Variants in C1QTNF7 observed in about 807,000 individuals in gnomAD.
C1QTNF7 encodes complement C1q tumor necrosis factor-related protein 7.
In C1QTNF7, 15 loss-of-function variants were observed where a neutral mutation model predicts 19.6. The observed-to-expected ratio is 0.76, with a 90% CI of 0.51 to 1.18. The LOEUF is 1.18. Ranked by LOEUF, C1QTNF7 falls within the 50% of genes most tolerant of loss-of-function variation. The pLI is 0.00. For missense variants in C1QTNF7, 324 were observed against 359.7 expected (o/e 0.90, Z 0.80); for synonymous variants, 142 against 137.5 (o/e 1.03, Z -0.23).
intron 1 of C1QTNF7, among the ~76,000 whole-genome samples, chr4:15,428,583 G>T (rs1712160284): frequency 6.6e-6 from 1 of 152,198 alleles, no homozygotes; most frequent in African/African-American, 2.4e-5. Context: ...CAGTGCAATT[G>T]TGTGGCCTTG....
rs73799867 is a variant in C1QTNF7 at position 15,420,970 on chromosome 4, A to C, written c.14-14766A>C. Among the ~76,000 whole-genome samples, 406 of 151,236 alleles carry C rather than the reference A, an allele frequency of 2.7e-3. 4 individuals are homozygous for C. The highest frequency in any genetic ancestry group is 9.6e-3 in the African/African-American group (395 of 41,164). Reference sequence around the variant, plus strand: ...AGGACATTGTTTTGGCTGGAAGTGAATATGTATGCAAGAGGCACCACCTGC... The same window carrying C: ...AGGACATTGTTTTGGCTGGAAGTGACTATGTATGCAAGAGGCACCACCTGC... On this transcript the variant is annotated intron_variant, in intron 1 of 2. Transcript: ENST00000295297.
At chr4:15,384,565 C>T (rs1048184222) in intron 1 of C1QTNF7, among the ~76,000 whole-genome samples, 1 of 152,142 alleles carries the variant, frequency 6.6e-6, no homozygotes, top group Non-Finnish European at 1.5e-5. Flanking sequence ...TGGAGCCTCA[C>T]CAGCAAAGAG....
intron 1 of C1QTNF7, among the ~76,000 whole-genome samples, chr4:15,354,868 T>G (rs1414489942): frequency 6.6e-6 from 1 of 152,114 alleles, no homozygotes; most frequent in Non-Finnish European, 1.5e-5. Context: ...TCACTTGACC[T>G]TGGCCAATAC....
chr4:15,438,711 A>T (rs1712632816), intron 2 of C1QTNF7, among the ~76,000 whole-genome samples: 1 of 152,242 alleles, frequency 6.6e-6, no homozygotes. Flanking sequence ...AAGATCATTC[A>T]TTCCAGTTTA....
Position 15,374,871 on chromosome 4 carries a change from C to CT in C1QTNF7, c.13+34673dup, listed in dbSNP as rs770437174. The CT allele has an allele frequency of 1.4e-3, 607 of 441,876 alleles. 2 individuals are homozygous for CT. The highest frequency in any genetic ancestry group is 2.3e-3 in the Middle Eastern group (2 of 888). 27.4% of individuals were successfully genotyped at this position (441,876 alleles called of 1,614,324 possible). A position where few individuals can be genotyped will look rare whatever the true frequency, so the allele number is the denominator to read the frequency against. On this transcript the variant is annotated intron_variant, in intron 1 of 2. Coordinates refer to the C1QTNF7 transcript ENST00000295297. ...TTGGTGTTTCTCTCTCTCTCTCTCT[C>CT]TTTTTTTTTATGATGTTCAGGGGTG...
At chr4:15,433,038 C>T (rs540020937) in intron 1 of C1QTNF7, among the ~76,000 whole-genome samples, 3 of 152,180 alleles carry the variant, frequency 2.0e-5, no homozygotes, top group African/African-American at 7.2e-5. Flanking sequence ...GGCTTTCACA[C>T]CTGCATCACC....
At chr4:15,428,546 C>T (rs1560367843) in intron 1 of C1QTNF7, among the ~76,000 whole-genome samples, 1 of 152,054 alleles carries the variant, frequency 6.6e-6, no homozygotes, top group African/African-American at 2.4e-5. Context: ...AGTGGGGAAA[C>T]AAGCAAGTCA....
intron 1 of C1QTNF7, among the ~76,000 whole-genome samples, chr4:15,401,942 C>T (rs775291912): frequency 2.0e-5 from 3 of 152,046 alleles, no homozygotes; most frequent in Admixed American, 1.3e-4. Flanking sequence ...GCTGACATAC[C>T]CAAATTGGTA....
chr4:15,368,712 C>T (rs970921978), intron 1 of C1QTNF7, among the ~76,000 whole-genome samples: 1 of 152,180 alleles, frequency 6.6e-6, no homozygotes, highest in Non-Finnish European at 1.5e-5. Context: ...TGGGTAGGTT[C>T]CAAGTCTTTG....
intron 1 of C1QTNF7, among the ~76,000 whole-genome samples, chr4:15,383,074 C>T (rs1206467573): frequency 6.6e-6 from 1 of 152,096 alleles, no homozygotes; most frequent in Non-Finnish European, 1.5e-5. Context: ...AACGTCATGC[C>T]CTCTCCTCTC....
intron 1 of C1QTNF7, among the ~76,000 whole-genome samples, chr4:15,351,726 G>T (rs1560338227): frequency 6.6e-6 from 1 of 152,174 alleles, no homozygotes; most frequent in Non-Finnish European, 1.5e-5. Context: ...GGGAAGCAGT[G>T]GCCAATGGTG....
rs1273499398 is a variant in C1QTNF7 at position 15,442,367 on chromosome 4, C to T, written c.438C>T (p.Leu146=). 6.2e-7 allele frequency: 1 copy of T among 1,614,124 alleles called. No homozygotes were observed. The highest frequency in any genetic ancestry group is 1.7e-5 in the Admixed American group (1 of 60,014). The change falls in exon 3 of 3, where the codon CTC becomes CTT. Residue 146 remains leucine (L), a synonymous_variant. Coordinates refer to ENST00000444304, the MANE Select transcript of C1QTNF7 (RefSeq NM_031911.5). ...TTTGCAGATGTGGAAGCATCGTGCT[C>T]AAATCCGCCTTTTCTGTTGGCATCA... The part of the protein sequence containing the change: ...PGVCRCGSIV[L]KSAFSVGITT...
chr4:15,349,530 G>A (rs748553595), intron 1 of C1QTNF7, among the ~76,000 whole-genome samples: 2 of 152,152 alleles, frequency 1.3e-5, no homozygotes, highest in African/African-American at 2.4e-5. Flanking sequence ...GCCATGACAT[G>A]AGGAGGAGGA....
intron 1 of C1QTNF7, among the ~76,000 whole-genome samples, chr4:15,379,050 G>T (rs1213414528): frequency 6.6e-6 from 1 of 152,204 alleles, no homozygotes; most frequent in Non-Finnish European, 1.5e-5. Flanking sequence ...AGTATTTGGT[G>T]TGTATAGCAA....
intron 1 of C1QTNF7, among the ~76,000 whole-genome samples, chr4:15,407,365 C>T (rs1719229136): frequency 6.6e-6 from 1 of 152,138 alleles, no homozygotes; most frequent in South Asian, 2.1e-4. Context: ...AATGAGAATC[C>T]TGAAATTCAG....
At chr4:15,422,477 C>T (rs1711823486) in intron 1 of C1QTNF7, among the ~76,000 whole-genome samples, 1 of 152,178 alleles carries the variant, frequency 6.6e-6, no homozygotes, top group Non-Finnish European at 1.5e-5. Flanking sequence ...CTAATATCTA[C>T]CCTAACCTAA....
chr4:15,442,839 C>A lies in C1QTNF7; in HGVS notation c.*40C>A. ...CCTGTGGTAAACACTCTGATTGAAT[C>A]TGGGGTTCCAGAAGGTGGAACAAGC... On this transcript the variant is annotated 3_prime_UTR_variant, in exon 3 of 3. Transcript: ENST00000444304. 1 of 1,526,496 alleles carries A rather than the reference C, an allele frequency of 6.6e-7. No homozygotes were observed. The highest frequency in any genetic ancestry group is 8.8e-7 in the Non-Finnish European group (1 of 1,142,020). The allele number at this position is 1,526,496 out of a possible 1,614,324, so 94.6% of individuals were successfully genotyped here.
chr4:15,389,436 T>G (rs956606284), intron 1 of C1QTNF7, among the ~76,000 whole-genome samples: 1 of 152,082 alleles, frequency 6.6e-6, no homozygotes, highest in Non-Finnish European at 1.5e-5. Context: ...TTTTATTTTT[T>G]TAGATGGAAT....
chr4:15,358,273 T>C (rs1380349195), intron 1 of C1QTNF7: 1 of 152,238 alleles, frequency 6.6e-6, no homozygotes, highest in African/African-American at 2.4e-5. Context: ...TTGAGAGTTT[T>C]TAGCATGAAT....
Sources: allele counts gnomAD v4.1 joint callset (sites outside exome capture counted in the v4.1 genomes callset), GRCh38; gene constraint gnomAD v4.1.1; transcripts MANE v1.5; gene names NCBI Gene and HGNC (gene_info 2026-07-23, HGNC 2026-07-21).